The following SCHIP1 variants were observed in gnomAD, a reference collection of about 807,000 sequenced individuals.
SCHIP1 encodes schwannomin-interacting protein 1.
A neutral mutation model predicts 29.7 loss-of-function variants in SCHIP1; 8 were observed. That is an observed-to-expected ratio of 0.27 (90% CI 0.16 to 0.49). The LOEUF (loss-of-function observed/expected upper bound fraction) is 0.49. SCHIP1 is among the 20% of genes least tolerant of loss of function. SCHIP1 has a pLI of 0.99. For synonymous variants in SCHIP1, 76 were observed against 94.9 expected (o/e 0.80, Z 1.16); for missense variants, 193 against 294.6 (o/e 0.66, Z 2.52).
chr3:159,733,912 C>T, the SCHIP1 span, among the ~76,000 whole-genome samples: 1 of 152,068 alleles, frequency 6.6e-6, no homozygotes, highest in African/African-American at 2.4e-5. Context: ...CTTTCTCATT[C>T]AGAAACATTG....
chr3:159,782,072 T>C, the SCHIP1 span, among the ~76,000 whole-genome samples: 1 of 152,196 alleles, frequency 6.6e-6, no homozygotes, highest in South Asian at 2.1e-4. Flanking sequence ...TGGAGAGCTC[T>C]CCTCCCTGAA....
At chr3:159,623,028 T>C in the SCHIP1 span, among the ~76,000 whole-genome samples, 4 of 152,212 alleles carry the variant, frequency 2.6e-5, no homozygotes, top group Non-Finnish European at 5.9e-5. Context: ...ATCTGCAGGA[T>C]TGGCAACAGA....
the SCHIP1 span, among the ~76,000 whole-genome samples, chr3:159,706,618 T>C: frequency 6.6e-6 from 1 of 151,664 alleles, no homozygotes; most frequent in Non-Finnish European, 1.5e-5. Context: ...CACAGGAGAG[T>C]AGTCTAAAGC....
the SCHIP1 span, among the ~76,000 whole-genome samples, chr3:159,700,358 G>A: frequency 1.3e-5 from 2 of 152,102 alleles, no homozygotes; most frequent in African/African-American, 4.8e-5. Flanking sequence ...TGAAATAAGG[G>A]GAGATAGATT....
At chr3:159,277,093 C>T in the SCHIP1 span, among the ~76,000 whole-genome samples, 1 of 152,252 alleles carries the variant, frequency 6.6e-6, no homozygotes. Flanking sequence ...CAGTAGCATG[C>T]TTCTCTGGAA....
At chr3:159,598,216 C>T in the SCHIP1 span, among the ~76,000 whole-genome samples, 1 of 152,114 alleles carries the variant, frequency 6.6e-6, no homozygotes, top group South Asian at 2.1e-4. Flanking sequence ...ATCTTATGTC[C>T]GTTTCACATT....
At chr3:159,414,286 C>T in the SCHIP1 span, among the ~76,000 whole-genome samples, 6 of 152,150 alleles carry the variant, frequency 3.9e-5, no homozygotes, top group Non-Finnish European at 7.3e-5. Context: ...CCATCCTACA[C>T]GTCAACATTA....
chr3:159,316,170 C>G, the SCHIP1 span, among the ~76,000 whole-genome samples: 1 of 151,568 alleles, frequency 6.6e-6, no homozygotes, highest in Non-Finnish European at 1.5e-5. Flanking sequence ...TCTCTTAGAG[C>G]GACAGAACTA....
the SCHIP1 span, among the ~76,000 whole-genome samples, chr3:159,716,615 A>T: frequency 1.3e-5 from 2 of 152,314 alleles, no homozygotes; most frequent in Admixed American, 1.3e-4. Context: ...CAGACTTTAA[A>T]CCAACAAAGA....
chr3:159,523,962 T>C, the SCHIP1 span, among the ~76,000 whole-genome samples: 19,181 of 152,232 alleles, frequency 0.13, 1,226 homozygotes, highest in South Asian at 0.13. Flanking sequence ...AACACAGGCA[T>C]TCTAGGCCTT....
the SCHIP1 span, among the ~76,000 whole-genome samples, chr3:159,810,677 A>T: frequency 6.6e-6 from 1 of 152,238 alleles, no homozygotes; most frequent in Non-Finnish European, 1.5e-5. Context: ...ATTCTATTGT[A>T]TGGCCGTATT....
At chr3:159,705,114 C>T in the SCHIP1 span, among the ~76,000 whole-genome samples, 2 of 152,026 alleles carry the variant, frequency 1.3e-5, no homozygotes, top group Non-Finnish European at 2.9e-5. Flanking sequence ...CAGGCATGTG[C>T]CACCACGCCC....
the SCHIP1 span, among the ~76,000 whole-genome samples, chr3:159,426,274 G>C: frequency 2.0e-5 from 3 of 152,012 alleles, no homozygotes; most frequent in Admixed American, 6.6e-5. Context: ...CAACAAAATA[G>C]ATAGACCAGT....
the SCHIP1 span, among the ~76,000 whole-genome samples, chr3:159,356,829 A>C: frequency 3.9e-5 from 6 of 152,230 alleles, no homozygotes; most frequent in African/African-American, 1.2e-4. Flanking sequence ...AGCTTTCATT[A>C]TAGCAGAAAC....
the SCHIP1 span, among the ~76,000 whole-genome samples, chr3:159,815,967 G>A: frequency 3.6e-5 from 1 of 28,046 alleles, no homozygotes; most frequent in Non-Finnish European, 6.3e-5. Flanking sequence ...TTATTTATTT[G>A]AGACAGCATC....
upstream of SCHIP1, among the ~76,000 whole-genome samples, chr3:159,838,179 G>A (rs968400347): frequency 6.6e-6 from 1 of 152,180 alleles, no homozygotes; most frequent in African/African-American, 2.4e-5. Context: ...GTCGAATTGA[G>A]ATAGCAATAG....
At chr3:159,604,041 C>T in the SCHIP1 span, among the ~76,000 whole-genome samples, 1 of 152,156 alleles carries the variant, frequency 6.6e-6, no homozygotes, top group Non-Finnish European at 1.5e-5. Flanking sequence ...TTCAACACTG[C>T]TGCATTGGAG....
At chr3:159,714,088 T>C in the SCHIP1 span, among the ~76,000 whole-genome samples, 1 of 151,898 alleles carries the variant, frequency 6.6e-6, no homozygotes, top group Non-Finnish European at 1.5e-5. Flanking sequence ...AATACAAAAA[T>C]TAGCCAAGCG....
At chr3:159,365,802 T>C in the SCHIP1 span, among the ~76,000 whole-genome samples, 1 of 152,196 alleles carries the variant, frequency 6.6e-6, no homozygotes, top group Non-Finnish European at 1.5e-5. Context: ...GTACTTTAGC[T>C]ACTTCACACA....
Sources: allele counts gnomAD v4.1 joint callset (sites outside exome capture counted in the v4.1 genomes callset), GRCh38; gene constraint gnomAD v4.1.1; transcripts MANE v1.5; gene names NCBI Gene and HGNC (gene_info 2026-07-23, HGNC 2026-07-21).